Variants in PRKAG2 observed in about 807,000 individuals in gnomAD.
The protein encoded by PRKAG2 is protein kinase AMP-activated non-catalytic subunit gamma 2, also known as 5'-AMP-activated protein kinase subunit gamma-2.
PRKAG2 carries 26 observed loss-of-function variants against 69.6 expected under a neutral mutation model. The ratio of observed to expected loss-of-function variants is 0.37; its 90% confidence interval spans 0.27 to 0.52. The LOEUF is 0.52. PRKAG2 is among the 20% of genes least tolerant of loss of function. The pLI is 0.90. For synonymous variants in PRKAG2, 293 were observed against 285.0 expected (o/e 1.03, Z -0.28); for missense variants, 557 against 740.0 (o/e 0.75, Z 2.87).
chr7:151,692,581 G>C (rs1250731130), intron 3 of PRKAG2, among the ~76,000 whole-genome samples: 5 of 151,750 alleles, frequency 3.3e-5, no homozygotes, highest in African/African-American at 1.2e-4. Context: ...TTTTTAAAAG[G>C]GTGAGTTTTA....
intron 1 of PRKAG2, among the ~76,000 whole-genome samples, chr7:151,862,415 A>C (rs1353194124): frequency 6.6e-6 from 1 of 152,216 alleles, no homozygotes; most frequent in African/African-American, 2.4e-5. Flanking sequence ...ATTTGTAAAA[A>C]ACGGGTTCAC....
At chr7:151,599,454 C>T (rs1400666691) in intron 5 of PRKAG2, among the ~76,000 whole-genome samples, 1 of 152,156 alleles carries the variant, frequency 6.6e-6, no homozygotes, top group African/African-American at 2.4e-5. Flanking sequence ...TTGCCAGATG[C>T]AAATATAATC....
chr7:151,606,484 C>A (rs192795173), intron 5 of PRKAG2, among the ~76,000 whole-genome samples: 30 of 152,178 alleles, frequency 2.0e-4, no homozygotes, highest in Admixed American at 1.8e-3. Context: ...AACAACAAAA[C>A]CCACCCAAAT....
intron 8 of PRKAG2, 81 bp from the exon 9 acceptor site, chr7:151,572,790 T>C (rs1807895888): frequency 1.1e-6 from 1 of 919,728 alleles, no homozygotes; most frequent in African/African-American, 1.7e-5. Context: ...AAAACATAGC[T>C]TGGATAATAG....
Position 151,781,791 on chromosome 7 carries a change from G to A in PRKAG2, c.187-360C>T, listed in dbSNP as rs886181026. Among the ~76,000 whole-genome samples the A allele has an allele frequency of 1.3e-5, 2 of 152,182 alleles. No homozygotes were observed. Among genetic ancestry groups the A allele is most frequent in the Non-Finnish European group, 2.9e-5 (2 of 68,008 alleles). ...CTGCCTTCACCTCTCAAGACCTCAC[G>A]TCCATCCAAGTTCTGACCACACAGG... On this transcript the variant is annotated intron_variant, in intron 2 of 15. Coordinates refer to ENST00000287878, the MANE Select transcript of PRKAG2 (RefSeq NM_016203.4). This position sits in a 1 kb window ranked among gnomAD's most constrained non-coding sequence, Gnocchi z 6.1.
chr7:151,562,465 TTAA>T (rs137999193), intron 14 of PRKAG2, among the ~76,000 whole-genome samples: 30 of 149,486 alleles, frequency 2.0e-4, no homozygotes, highest in Admixed American at 2.0e-4. Context: ...TTGCTTTAGG[TTAA>T]TAATAATAAT....
chr7:151,647,366 C>T (rs79312315), intron 4 of PRKAG2, among the ~76,000 whole-genome samples: 1 of 152,202 alleles, frequency 6.6e-6, no homozygotes, highest in Non-Finnish European at 1.5e-5. Flanking sequence ...CAATGAGATA[C>T]AGGCCCGGCC....
Position 151,741,229 on chromosome 7 carries a change from CAAAAT to C in PRKAG2, c.466+39918_466+39922del, listed in dbSNP as rs533403242. Among the ~76,000 whole-genome samples, 603 of 149,922 alleles carry C rather than the reference CAAAAT, an allele frequency of 4.0e-3. 5 individuals are homozygous for C. Among genetic ancestry groups the C allele is most frequent in the African/African-American group, 0.014 (573 of 39,684 alleles). On this transcript the variant is annotated intron_variant, in intron 3 of 15. Coordinates refer to ENST00000287878, the MANE Select transcript of PRKAG2 (RefSeq NM_016203.4). ...CCCTGTCTCAAAAAATAAAATAAAA[CAAAAT>C]AAAATAAAAGTAACAAAGCAAAACA...
chr7:151,718,524 C>T (rs141605117), intron 3 of PRKAG2, among the ~76,000 whole-genome samples: 16 of 151,742 alleles, frequency 1.1e-4, no homozygotes, highest in Non-Finnish European at 2.1e-4. Flanking sequence ...CTCCGTGTCC[C>T]CGCTCTGTAA....
chr7:151,689,805 T>A (rs1047512643), intron 3 of PRKAG2, among the ~76,000 whole-genome samples: 11 of 152,162 alleles, frequency 7.2e-5, no homozygotes, highest in African/African-American at 2.6e-4. Context: ...GTGAGACGGG[T>A]TGGGGAGGCT....
At chr7:151,833,138 T>A (rs1449803330) in intron 1 of PRKAG2, among the ~76,000 whole-genome samples, 1 of 152,176 alleles carries the variant, frequency 6.6e-6, no homozygotes, top group Non-Finnish European at 1.5e-5. Context: ...CGGTAAGAAC[T>A]GTAAGAGAAT....
chr7:151,704,214 T>C (rs1189807861), intron 3 of PRKAG2, among the ~76,000 whole-genome samples: 1 of 152,186 alleles, frequency 6.6e-6, no homozygotes, highest in African/African-American at 2.4e-5. Context: ...ACAATCCAAT[T>C]ACACTTTTTA....
chr7:151,823,517 C>T (rs2078841129), intron 1 of PRKAG2, among the ~76,000 whole-genome samples: 1 of 151,104 alleles, frequency 6.6e-6, no homozygotes, highest in Non-Finnish European at 1.5e-5. Flanking sequence ...CTAAGTCAGT[C>T]CAGGGACAAG....
intron 3 of PRKAG2, among the ~76,000 whole-genome samples, chr7:151,697,792 CCT>C (rs1046318089): frequency 5.3e-5 from 8 of 152,102 alleles, no homozygotes; most frequent in Admixed American, 3.9e-4. Context: ...AGAAATCGAG[CCT>C]CTCTCCACCC....
intron 3 of PRKAG2, among the ~76,000 whole-genome samples, chr7:151,754,250 T>A (rs2074913292): frequency 6.6e-6 from 1 of 152,124 alleles, no homozygotes; most frequent in Admixed American, 6.5e-5. Flanking sequence ...TGGGGACGTC[T>A]TCCAGGCTGG....
intron 5 of PRKAG2, among the ~76,000 whole-genome samples, chr7:151,603,024 T>C (rs999782371): frequency 6.6e-6 from 1 of 152,208 alleles, no homozygotes; most frequent in Non-Finnish European, 1.5e-5. Context: ...TTTAAAGCAG[T>C]GTGAGAACAC....
At chr7:151,612,086 T>G (rs547639390) in intron 5 of PRKAG2, among the ~76,000 whole-genome samples, 2 of 152,212 alleles carry the variant, frequency 1.3e-5, no homozygotes, top group African/African-American at 4.8e-5. Flanking sequence ...GTGCTCCCTT[T>G]TGTGGGAGGA....
At chr7:151,661,461 A>G (rs376651855) in intron 4 of PRKAG2, among the ~76,000 whole-genome samples, 333 of 152,338 alleles carry the variant, frequency 2.2e-3, no homozygotes, top group African/African-American at 7.3e-3. Flanking sequence ...TTGATTCAGC[A>G]CATGAAGAGG....
chr7:151,643,037 T>C (rs968444517), intron 4 of PRKAG2, among the ~76,000 whole-genome samples: 2 of 152,244 alleles, frequency 1.3e-5, no homozygotes, highest in Admixed American at 1.3e-4. Context: ...ATCAGCATGA[T>C]TGCCTTGCTA....
Sources: gnomAD v4.1 joint callset for allele counts (sites outside exome capture counted in the v4.1 genomes callset) on GRCh38, gnomAD v4.1.1 for gene constraint, Gnocchi (gnomAD v3.1) non-coding constraint, MANE v1.5 for transcripts, NCBI Gene and HGNC (gene_info 2026-07-23, HGNC 2026-07-21) for gene names.